Variants in LPCAT1 observed in about 807,000 individuals in gnomAD.
LPCAT1 encodes 1-acylglycerol-3-phosphate O-acyltransferase.
A neutral mutation model predicts 60.9 loss-of-function variants in LPCAT1; 23 were observed. The ratio of observed to expected loss-of-function variants is 0.38; its 90% confidence interval spans 0.27 to 0.53. The LOEUF (loss-of-function observed/expected upper bound fraction) is 0.53. LPCAT1 is among the 20% of genes least tolerant of loss of function. The probability of loss-of-function intolerance (pLI) is 0.82; values close to 1 mark genes in which losing one functional copy is unlikely to be tolerated. For missense variants in LPCAT1, 622 were observed against 723.6 expected, an observed-to-expected ratio of 0.86 and a Z score of 1.61; for synonymous variants, 340 against 301.1, an observed-to-expected ratio of 1.13 and a Z score of -1.34.
At chr5:1,509,373 C>T (rs1169026062) in intron 1 of LPCAT1, among the ~76,000 whole-genome samples, 5 of 152,252 alleles carry the variant, frequency 3.3e-5, no homozygotes, top group Admixed American at 2.0e-4. Context: ...TGCAAATCCA[C>T]GAGAGAACGT....
At position 1,489,731 on chromosome 5, in the gene LPCAT1, G is replaced by A. The variant is rs1416408888; in HGVS notation, c.606+15C>T. On this transcript the variant is annotated intron_variant, in intron 4 of 13. Coordinates refer to ENST00000283415, the MANE Select transcript of LPCAT1 (RefSeq NM_024830.5). ...AATAAAACCACTGAAACACAATCAG[G>A]GCTACGTGCATTACCTGTGGCCACT... The A allele has an allele frequency of 1.9e-6, 3 of 1,541,538 alleles. No individual in the cohort carries two copies. The Admixed American group carries it at 5.0e-5, about 26-fold the overall frequency.
intron 1 of LPCAT1, among the ~76,000 whole-genome samples, chr5:1,512,504 C>G (rs544464935): frequency 1.9e-4 from 29 of 152,364 alleles, no homozygotes; most frequent in African/African-American, 7.0e-4. Flanking sequence ...GGAGAAGACA[C>G]AGCTTGCTGA....
chr5:1,510,406 C>T (rs1287727680), intron 1 of LPCAT1, among the ~76,000 whole-genome samples: 1 of 152,246 alleles, frequency 6.6e-6, no homozygotes, highest in Non-Finnish European at 1.5e-5. Context: ...TCGGCACCAT[C>T]ACCTACCCGA....
At chr5:1,489,200 C>T (rs1735479295) in intron 4 of LPCAT1, among the ~76,000 whole-genome samples, 1 of 152,212 alleles carries the variant, frequency 6.6e-6, no homozygotes, top group South Asian at 2.1e-4. Flanking sequence ...AAGGGGCTGC[C>T]CCCAGCCAGA....
chr5:1,491,808 G>A (rs902704055), intron 3 of LPCAT1, among the ~76,000 whole-genome samples: 33 of 152,196 alleles, frequency 2.2e-4, no homozygotes, highest in Non-Finnish European at 1.6e-4. Flanking sequence ...AACTAAGAAT[G>A]TGAAAAGGAA....
At position 1,521,204 on chromosome 5, in the gene LPCAT1, A is replaced by G. The variant is rs1302108140; in HGVS notation, c.135+2506T>C. 2.6e-6 allele frequency: 1 copy of G among 381,396 alleles called. No individual in the cohort carries two copies. The highest frequency in any genetic ancestry group is 3.6e-6 in the Non-Finnish European group (1 of 278,198). The allele number at this position is 381,396 out of a possible 1,614,324, so 23.6% of individuals were successfully genotyped here. On this transcript the variant is annotated intron_variant, in intron 1 of 13. Transcript: ENST00000283415. The surrounding 1 kb of genome is among the most constrained non-coding windows in gnomAD (Gnocchi z 4.3). The stretch of plus-strand genomic sequence containing the variant: ...AATGTGCTGTTTTCTGTCCAAAGAG[A>G]TACTTAAGCTCCTCACTAAATCTGT...
rs1262986604 is a variant in LPCAT1 at position 1,463,386 on chromosome 5, C to G, written c.*265G>C. The stretch of plus-strand genomic sequence containing the variant: ...ACGGGGCGGCACCGGTGCCCCCCGC[C>G]CGGCAGGGAACCTGACCCCACGGGG... On this transcript the variant is annotated 3_prime_UTR_variant, in exon 14 of 14. Coordinates refer to ENST00000283415, the MANE Select transcript of LPCAT1 (RefSeq NM_024830.5). The G allele has an allele frequency of 4.3e-6, 2 of 469,000 alleles. No homozygotes were observed. The highest frequency in any genetic ancestry group is 4.0e-5 in the African/African-American group (2 of 50,334). 29.1% of individuals were successfully genotyped at this position (469,000 alleles called of 1,614,324 possible).
rs547794394 is a variant in LPCAT1 at position 1,501,543 on chromosome 5, G to A, written c.196C>T (p.Leu66=). 19 of 1,614,054 alleles carry A rather than the reference G, an allele frequency of 1.2e-5. No individual in the cohort carries two copies. Among genetic ancestry groups the A allele is most frequent in the Non-Finnish European group, 1.5e-5 (18 of 1,179,960 alleles). The change falls in exon 2 of 14, where the codon CTG becomes TTG. Residue 66 remains leucine (L), a synonymous_variant. Coordinates refer to ENST00000283415, the MANE Select transcript of LPCAT1 (RefSeq NM_024830.5). ...ACAAGTGCGAGGGGCCAGGCCAGCA[G>A]CATCATGGCAGCGGCAACCAGGAGC... ...VRLLVAAAMM[L]LAWPLALVAS... is the part of the protein sequence containing the mutation.
intron 12 of LPCAT1, 117 bp from the exon 13 acceptor site, chr5:1,467,007 G>C: frequency 8.6e-7 from 1 of 1,167,368 alleles, no homozygotes; most frequent in Non-Finnish European, 1.1e-6. Context: ...GCACCTGCAG[G>C]GCCGGCGGCT....
At chr5:1,501,886 G>A (rs1291740594) in intron 1 of LPCAT1, among the ~76,000 whole-genome samples, 4 of 151,974 alleles carry the variant, frequency 2.6e-5, no homozygotes, top group Admixed American at 1.3e-4. Flanking sequence ...AACATTGACC[G>A]GCACTGACCA....
intron 1 of LPCAT1, among the ~76,000 whole-genome samples, chr5:1,519,150 C>T (rs552270419): frequency 3.2e-4 from 48 of 152,330 alleles, no homozygotes; most frequent in South Asian, 2.1e-3. Flanking sequence ...CCGTTTAAGA[C>T]GAACTTTGGG....
At chr5:1,464,485 C>G in intron 13 of LPCAT1, among the ~76,000 whole-genome samples, 1 of 135,154 alleles carries the variant, frequency 7.4e-6, no homozygotes, top group East Asian at 2.0e-4. Context: ...GTGCCCACTA[C>G]AAACATCAAA....
intron 1 of LPCAT1, among the ~76,000 whole-genome samples, chr5:1,508,104 C>A (rs1397009679): frequency 6.6e-6 from 1 of 152,236 alleles, no homozygotes. Flanking sequence ...GGACTTCAGC[C>A]TCCAGAATGG....
Position 1,523,677 on chromosome 5 carries a change from C to T in LPCAT1, c.135+33G>A. The T allele has an allele frequency of 9.3e-7, 1 of 1,075,326 alleles. No individual in the cohort carries two copies. The highest frequency in any genetic ancestry group is 3.8e-5 in the South Asian group (1 of 26,270). The allele number at this position is 1,075,326 out of a possible 1,614,324, so 66.6% of individuals were successfully genotyped here. A position where few individuals can be genotyped will look rare whatever the true frequency, so the allele number is the denominator to read the frequency against. ...GCCCCAGCATCCCTGGCGTCCGCGC[C>T]GGCTCCCGGGGCCGCGCGCCCTGGG... On this transcript the variant is annotated intron_variant, in intron 1 of 13. Coordinates refer to ENST00000283415, the MANE Select transcript of LPCAT1 (RefSeq NM_024830.5). The surrounding 1 kb of genome is among the most constrained non-coding windows in gnomAD (Gnocchi z 7.1).
Position 1,502,368 on chromosome 5 carries a change from CA to C in LPCAT1, c.136-766del, listed in dbSNP as rs1333047031. Among the ~76,000 whole-genome samples the C allele has an allele frequency of 6.6e-6, 1 of 152,306 alleles. No individual in the cohort carries two copies. Among genetic ancestry groups the C allele is most frequent in the East Asian group, 1.9e-4 (1 of 5,184 alleles). Reference sequence around the variant, plus strand: ...ACGCCACCCTAGGCAGTGTTGGTGACAGGGGGAGGTAGCTGGCCTGCAGTTT... The same window carrying C: ...ACGCCACCCTAGGCAGTGTTGGTGACGGGGGAGGTAGCTGGCCTGCAGTTT... On this transcript the variant is annotated intron_variant, in intron 1 of 13. Transcript: ENST00000283415. This position sits in a 1 kb window ranked among gnomAD's most constrained non-coding sequence, Gnocchi z 5.5.
At chr5:1,520,769 A>G (rs867458214) in intron 1 of LPCAT1, among the ~76,000 whole-genome samples, 2 of 149,076 alleles carry the variant, frequency 1.3e-5, no homozygotes, top group African/African-American at 5.0e-5. Flanking sequence ...AGGCTGAGGC[A>G]GGAGAATGGC....
chr5:1,497,717 G>A (rs1269550189), intron 2 of LPCAT1, among the ~76,000 whole-genome samples: 2 of 152,204 alleles, frequency 1.3e-5, no homozygotes, highest in Admixed American at 1.3e-4. Flanking sequence ...ACCAGATAAA[G>A]TGGTTTGATG....
At chr5:1,512,396 C>T (rs907680087) in intron 1 of LPCAT1, among the ~76,000 whole-genome samples, 3 of 152,232 alleles carry the variant, frequency 2.0e-5, no homozygotes, top group Non-Finnish European at 2.9e-5. Context: ...ACACTAGAGC[C>T]TCCCTCTCAC....
At position 1,481,059 on chromosome 5, in the gene LPCAT1, C is replaced by G. The variant is rs1369927888; in HGVS notation, c.727-83G>C. The stretch of plus-strand genomic sequence containing the variant: ...AGCACCTGCGTGTGCCGGCCTCTCC[C>G]TGCACCTCCCACCCCACAGAGGCGC... On this transcript the variant is annotated intron_variant, in intron 6 of 13. Transcript: ENST00000283415. The surrounding 1 kb of genome is among the most constrained non-coding windows in gnomAD (Gnocchi z 7.8). The G allele has an allele frequency of 6.6e-7, 1 of 1,506,002 alleles. No individual in the cohort carries two copies. The highest frequency in any genetic ancestry group is 9.2e-7 in the Non-Finnish European group (1 of 1,087,174). The allele number at this position is 1,506,002 out of a possible 1,614,324, so 93.3% of individuals were successfully genotyped here. A position where few individuals can be genotyped will look rare whatever the true frequency, so the allele number is the denominator to read the frequency against.
Sources: allele counts gnomAD v4.1 joint callset (sites outside exome capture counted in the v4.1 genomes callset), GRCh38; gene constraint gnomAD v4.1.1; non-coding constraint Gnocchi (gnomAD v3.1); transcripts MANE v1.5; gene names NCBI Gene and HGNC (gene_info 2026-07-23, HGNC 2026-07-21).